The following NOLC1 variants were observed in gnomAD, a reference collection of about 807,000 sequenced individuals.
NOLC1 encodes 140 kDa nucleolar phosphoprotein.
In NOLC1, 37 loss-of-function variants were observed where a neutral mutation model predicts 73.4. The ratio of observed to expected loss-of-function variants is 0.50; its 90% CI spans 0.39 to 0.66. The LOEUF (loss-of-function observed/expected upper bound fraction) is 0.66. Among genes scored for constraint, NOLC1 ranks in the 30% least tolerant of loss-of-function variants. The pLI is 0.00. For synonymous variants in NOLC1, 327 were observed against 302.6 expected, an observed-to-expected ratio of 1.08 and a Z score of -0.84; for missense variants, 921 against 838.9, an observed-to-expected ratio of 1.10 and a Z score of -1.21.
At position 102,160,347 on chromosome 10, in the gene NOLC1, A is replaced by AGGCATATGGAGGCCCTCAGT; in HGVS notation, c.1099+5_1099+24dup. 2 of 1,613,818 alleles carry AGGCATATGGAGGCCCTCAGT rather than the reference A, an allele frequency of 1.2e-6. No individual in the cohort carries two copies. Among genetic ancestry groups the AGGCATATGGAGGCCCTCAGT allele is most frequent in the Non-Finnish European group, 1.7e-6 (2 of 1,179,704 alleles). On this transcript the variant is annotated splice_donor_region_variant and intron_variant, in intron 9 of 12. Transcript: ENST00000605788. ...GAGAGCTCTTCAGACAGCTCAGGTA[A>AGGCATATGGAGGCCCTCAGT]GGCATATGGAGGCCCTCAGTTCAGT... is the stretch of plus-strand genomic sequence containing the variant.
At chr10:102,159,363 G>T (rs770332606) in intron 6 of NOLC1, 55 bp downstream of exon 6, 4 of 1,613,544 alleles carry the variant, frequency 2.5e-6, no homozygotes, top group Non-Finnish European at 3.4e-6. Context: ...ATGTGTGTGT[G>T]TCTTCCTTCC....
At chr10:102,161,735 C>T in intron 11 of NOLC1, 73 bp downstream of exon 11, 4 of 1,537,658 alleles carry the variant, frequency 2.6e-6, no homozygotes, top group Non-Finnish European at 1.8e-6. Context: ...CTTGACAGCT[C>T]TGCCTGGCGT....
chr10:102,152,839 G>T (rs1002760690), intron 1 of NOLC1, among the ~76,000 whole-genome samples: 1 of 152,226 alleles, frequency 6.6e-6, no homozygotes, highest in Non-Finnish European at 1.5e-5. Flanking sequence ...GTAGAGTCTT[G>T]TTCCACTGAG....
In NOLC1 at chr10:102,162,330, G is replaced by A; in HGVS notation, c.*61G>A. Reference sequence around the variant, plus strand: ...CGGAGACTACTTACTTTCTCCAGTGGACCTGGGAACCCTCAGGTCTCTAGG... The same window carrying A: ...CGGAGACTACTTACTTTCTCCAGTGAACCTGGGAACCCTCAGGTCTCTAGG... On this transcript the variant is annotated 3_prime_UTR_variant, in exon 13 of 13. Transcript: ENST00000605788. 2 of 1,574,538 alleles carry A rather than the reference G, an allele frequency of 1.3e-6. No homozygotes were observed. Among genetic ancestry groups the A allele is most frequent in the Non-Finnish European group, 1.7e-6 (2 of 1,155,440 alleles).
In NOLC1 at chr10:102,161,881, A is replaced by G. The variant is rs1299189802; in HGVS notation, c.1897A>G (p.Ile633Val). The change falls in exon 12 of 13, where the codon ATT (isoleucine) becomes GTT (valine). Residue 633 changes from isoleucine (I) to valine (V), a missense_variant. By Grantham distance (29) the Ile-to-Val change is conservative. Coordinates refer to ENST00000605788, the MANE Select transcript of NOLC1 (RefSeq NM_004741.5). The stretch of plus-strand genomic sequence containing the variant: ...ATTCCGAAGGGTCAGGGAGGAGGAA[A>G]TTGAGGTGGATTCACGAGTTGCGGA... ...SPFRRVREEEIEVDSRVADNS... is the reference protein window; with the variant it reads ...SPFRRVREEEVEVDSRVADNS... The G allele has an allele frequency of 1.2e-6, 2 of 1,614,034 alleles. No homozygotes were observed. Among genetic ancestry groups the G allele is most frequent in the African/African-American group, 1.3e-5 (1 of 74,922 alleles).
At chr10:102,155,855 GTTTC>G (rs1263729119) in intron 1 of NOLC1, among the ~76,000 whole-genome samples, 3 of 151,744 alleles carry the variant, frequency 2.0e-5, no homozygotes, top group African/African-American at 4.8e-5. Flanking sequence ...TACTAGTCTT[GTTTC>G]TTTCTTTTTT....
intron 3 of NOLC1, 21 bp from the exon 4 acceptor site, chr10:102,157,410 G>C (rs778269305): frequency 6.2e-7 from 1 of 1,613,958 alleles, no homozygotes; most frequent in Admixed American, 1.7e-5. Context: ...GATTCTTACT[G>C]GGACCTGTGT....
intron 10 of NOLC1, 130 bp downstream of exon 10, chr10:102,161,223 C>A: frequency 5.3e-6 from 5 of 942,922 alleles, no homozygotes; most frequent in South Asian, 1.8e-5. Context: ...GGAGGAAGAA[C>A]AGGAAACTGG....
Position 102,163,851 on chromosome 10 carries a change from A to G in NOLC1, c.*1582A>G, listed in dbSNP as rs974546440. The G allele has an allele frequency of 2.6e-5, 4 of 152,114 alleles. No homozygotes were observed. The highest frequency in any genetic ancestry group is 9.7e-5 in the African/African-American group (4 of 41,406). The allele number at this position is 152,114 out of a possible 1,614,324, so 9.4% of individuals were successfully genotyped here. On this transcript the variant is annotated 3_prime_UTR_variant, in exon 13 of 13. Transcript: ENST00000605788. ...TCTAAATCTTACTACAAAATAATAA[A>G]CTGGCTGGTTTATAATGTGTCTTGG... is the stretch of plus-strand genomic sequence containing the variant.
chr10:102,161,072 G>T lies in NOLC1; in HGVS notation c.1720G>T (p.Ala574Ser), dbSNP rs2133762327. Residue 574 changes from alanine (A) to serine (S), a missense_variant, in exon 10 of 13, where the codon GCA becomes TCA. Ala to Ser is a moderately conservative substitution (Grantham distance 99). Transcript: ENST00000605788. ...GGAGGAAGAAGAAAAGAAAAAGGCG[G>T]CAGTGGTAGTTTCCAAATCAGGTCT... ...EEEEEEKKKA[A>S]VVVSKSGSLK... 5 of 1,608,558 alleles carry T rather than the reference G, an allele frequency of 3.1e-6. No homozygotes were observed. In the East Asian group the frequency reaches 1.1e-4, roughly 36 times the overall value.
rs769561812 is a variant in NOLC1 at position 102,152,407 on chromosome 10, G to C, written c.-4G>C. 6.2e-7 allele frequency: 1 copy of C among 1,609,300 alleles called. No homozygotes were observed. Among genetic ancestry groups the C allele is most frequent in the South Asian group, 1.1e-5 (1 of 91,086 alleles). The stretch of plus-strand genomic sequence containing the variant: ...CAACGGTAGTGACGCGTATTGCCTG[G>C]AGGATGGCGGACGCCGGCATTCGCC... On this transcript the variant is annotated 5_prime_UTR_variant, in exon 1 of 13. Transcript: ENST00000605788.
chr10:102,159,244 G>A lies in NOLC1; in HGVS notation c.659G>A (p.Ser220Asn). 6.2e-7 allele frequency: 1 copy of A among 1,607,052 alleles called. No homozygotes were observed. Among genetic ancestry groups the A allele is most frequent in the South Asian group, 1.1e-5 (1 of 90,664 alleles). Residue 220 changes from serine to asparagine, a missense_variant, in exon 6 of 13, where the codon AGC becomes AAC. By Grantham distance (46) the Ser-to-Asn change is conservative. Transcript: ENST00000605788. ...ANGKAASSSSSSSSSSSSDDS... is the reference protein window; with the variant it reads ...ANGKAASSSSNSSSSSSSDDS... ...GGTAAAGCAGCCAGTAGCAGCAGTA[G>A]CAGCAGCAGCAGCAGTAGCAGTGAT...
In NOLC1 at chr10:102,163,674, A is replaced by G. The variant is rs2069749038; in HGVS notation, c.*1405A>G. The G allele has an allele frequency of 6.6e-6, 1 of 152,202 alleles. No homozygotes were observed. The highest frequency in any genetic ancestry group is 2.4e-5 in the African/African-American group (1 of 41,440). 9.4% of individuals were successfully genotyped at this position (152,202 alleles called of 1,614,324 possible). ...AAAAGTGTGCCCCAAGCCTTCATGG[A>G]CGAGTTATAGGTCTTAAGATTAGTC... On this transcript the variant is annotated 3_prime_UTR_variant, in exon 13 of 13. Coordinates refer to ENST00000605788, the MANE Select transcript of NOLC1 (RefSeq NM_004741.5).
chr10:102,152,456 C>G lies in NOLC1; in HGVS notation c.46C>G (p.Pro16Ala). Residue 16 changes from proline to alanine, a missense_variant, in exon 1 of 13, where the codon CCC becomes GCC. Pro to Ala is a conservative substitution (Grantham distance 27, BLOSUM62 -1). Coordinates refer to ENST00000605788, the MANE Select transcript of NOLC1 (RefSeq NM_004741.5). ...CCGCGTGGTTCCCAGCGACCTGTATCCCCTCGTGCTCGGCTTCCTGCGCGA... is the reference window on the plus strand; with the variant it reads ...CCGCGTGGTTCCCAGCGACCTGTATGCCCTCGTGCTCGGCTTCCTGCGCGA... ...IRRVVPSDLY[P>A]LVLGFLRDNQ... is the part of the protein sequence containing the mutation. 1 of 1,613,368 alleles carries G rather than the reference C, an allele frequency of 6.2e-7. No homozygotes were observed. The highest frequency in any genetic ancestry group is 8.5e-7 in the Non-Finnish European group (1 of 1,180,018).
chr10:102,161,128 TC>T, intron 10 of NOLC1, 35 bp downstream of exon 10: 2 of 1,553,932 alleles, frequency 1.3e-6, no homozygotes, highest in Non-Finnish European at 1.7e-6. Flanking sequence ...CTGGGTTTTG[TC>T]CCCCCAAATC....
intron 1 of NOLC1, among the ~76,000 whole-genome samples, chr10:102,154,640 T>A (rs2069560001): frequency 6.6e-6 from 1 of 151,586 alleles, no homozygotes; most frequent in African/African-American, 2.4e-5. Flanking sequence ...CTCAGCCTCA[T>A]GCCTCAGCCT....
rs2069618071 is a variant in NOLC1, at chr10:102,157,420, T to C, written c.317-11T>C. ...TGGCTGATTCTTACTGGGACCTGTG[T>C]GTTTGTTCAGCTGTACCTGCCAAGC... On this transcript the variant is annotated splice_polypyrimidine_tract_variant and intron_variant, in intron 3 of 12. Coordinates refer to ENST00000605788, the MANE Select transcript of NOLC1 (RefSeq NM_004741.5). The C allele has an allele frequency of 2.5e-6, 4 of 1,613,922 alleles. No individual in the cohort carries two copies. The highest frequency in any genetic ancestry group is 3.4e-6 in the Non-Finnish European group (4 of 1,179,888).
chr10:102,162,117 G>A lies in NOLC1; in HGVS notation c.1948G>A (p.Ala650Thr), dbSNP rs1164010310. ...ADNSFDAKRGAAGDWGERANQ... is the reference protein window; with the variant it reads ...ADNSFDAKRGTAGDWGERANQ... ...CTCCCTCTCTACTTACCAGCGAGGT[G>A]CAGCCGGAGACTGGGGAGAGCGAGC... Residue 650 changes from alanine to threonine, a missense_variant, in exon 13 of 13, where the codon GCA becomes ACA. By Grantham distance (58) the Ala-to-Thr change is moderately conservative. Transcript: ENST00000605788. 1 of 1,613,798 alleles carries A rather than the reference G, an allele frequency of 6.2e-7. No individual in the cohort carries two copies. The highest frequency in any genetic ancestry group is 1.7e-5 in the Admixed American group (1 of 60,002).
At position 102,160,929 on chromosome 10, in the gene NOLC1, G is replaced by A; in HGVS notation, c.1577G>A (p.Ser526Asn). ...SSNSSSSDDS[S>N]EEEEEKLKGK... Reference sequence around the variant, plus strand: ...AACAGTTCTTCTTCTGATGACTCCAGTGAGGAAGAGGAAGAGAAGCTCAAG... The same window carrying A: ...AACAGTTCTTCTTCTGATGACTCCAATGAGGAAGAGGAAGAGAAGCTCAAG... The change falls in exon 10 of 13, where the codon AGT (serine) becomes AAT (asparagine). Residue 526 changes from serine (S) to asparagine (N), a missense_variant. Coordinates refer to ENST00000605788, the MANE Select transcript of NOLC1 (RefSeq NM_004741.5). The A allele has an allele frequency of 6.2e-7, 1 of 1,614,228 alleles. No individual in the cohort carries two copies. The highest frequency in any genetic ancestry group is 8.5e-7 in the Non-Finnish European group (1 of 1,180,046).
Sources: gnomAD v4.1 joint callset for allele counts (sites outside exome capture counted in the v4.1 genomes callset) on GRCh38, gnomAD v4.1.1 for gene constraint, MANE v1.5 for transcripts, NCBI Gene and HGNC (gene_info 2026-07-23, HGNC 2026-07-21) for gene names.